The following CDH13 variants were observed in gnomAD, a reference collection of about 807,000 sequenced individuals.
The protein encoded by CDH13 is cadherin 13.
Under a neutral mutation model 63.8 loss-of-function variants are expected in CDH13, and 24 were observed. The ratio of observed to expected loss-of-function variants is 0.38; its 90% CI spans 0.27 to 0.53. The LOEUF is 0.53. Ranked by LOEUF, CDH13 falls within the 20% of genes least tolerant of loss-of-function variation. The pLI, the probability that CDH13 is intolerant of heterozygous loss-of-function variation, is 0.85. For synonymous variants in CDH13, 503 were observed against 355.3 expected (o/e 1.42, Z -4.67); for missense variants, 1,049 against 903.1 (o/e 1.16, Z -2.07).
intron 6 of CDH13, among the ~76,000 whole-genome samples, chr16:83,431,802 A>G (rs11640197): frequency 0.16 from 23,713 of 152,122 alleles, 2,438 homozygotes; most frequent in Non-Finnish European, 0.23. Flanking sequence ...CACCCCCATG[A>G]TCTAATCGCC....
chr16:83,382,172 T>C (rs1180186615), intron 6 of CDH13, among the ~76,000 whole-genome samples: 6 of 152,162 alleles, frequency 3.9e-5, no homozygotes, highest in South Asian at 2.1e-4. Context: ...TCCTCCACCA[T>C]AGGGATGATT....
At chr16:83,509,710 C>T (rs1332238951) in intron 7 of CDH13, among the ~76,000 whole-genome samples, 1 of 152,102 alleles carries the variant, frequency 6.6e-6, no homozygotes, top group African/African-American at 2.4e-5. Flanking sequence ...CCAAAAAGTC[C>T]TTTTTGGTGG....
intron 1 of CDH13, among the ~76,000 whole-genome samples, chr16:82,725,951 A>C (rs1263538044): frequency 6.6e-6 from 1 of 152,134 alleles, no homozygotes; most frequent in Non-Finnish European, 1.5e-5. Flanking sequence ...GAGAATTATT[A>C]AAGCTCTCAG....
At chr16:82,884,411 G>A (rs1383394810) in intron 2 of CDH13, 1 of 330,662 alleles carries the variant, frequency 3.0e-6, no homozygotes, top group African/African-American at 2.2e-5. Context: ...TCTGTTGTCT[G>A]TTGCAGTAGA....
At chr16:83,478,812 G>T (rs1472833235) in intron 6 of CDH13, among the ~76,000 whole-genome samples, 1 of 144,512 alleles carries the variant, frequency 6.9e-6, no homozygotes, top group African/African-American at 2.5e-5. Context: ...CACCTGGCTG[G>T]CCAGTAGAGT....
chr16:83,240,716 T>C (rs9936513), intron 5 of CDH13, among the ~76,000 whole-genome samples: 46,221 of 89,870 alleles, frequency 0.51, 11,557 homozygotes, highest in African/African-American at 0.62. Flanking sequence ...ACTGTCTTAA[T>C]CTTTTTTTTT....
chr16:83,019,437 C>T (rs1034153157), intron 2 of CDH13, among the ~76,000 whole-genome samples: 5 of 151,886 alleles, frequency 3.3e-5, no homozygotes, highest in Admixed American at 6.6e-5. Context: ...GATATCAATG[C>T]CTTCTTCTGG....
intron 6 of CDH13, among the ~76,000 whole-genome samples, chr16:83,364,088 A>G (rs1460668332): frequency 6.6e-6 from 1 of 152,222 alleles, no homozygotes; most frequent in East Asian, 1.9e-4. Context: ...ATGAATTAAC[A>G]TGTTATATAA....
At chr16:83,067,616 G>T (rs957848638) in intron 3 of CDH13, among the ~76,000 whole-genome samples, 3 of 152,178 alleles carry the variant, frequency 2.0e-5, no homozygotes, top group East Asian at 1.9e-4. Context: ...TAACTTTAGG[G>T]ATAAAATGCA....
At chr16:82,942,619 G>T (rs1473600240) in intron 2 of CDH13, among the ~76,000 whole-genome samples, 2 of 152,150 alleles carry the variant, frequency 1.3e-5, no homozygotes. Context: ...GATGGGTCCT[G>T]TGATGTGGCC....
chr16:83,626,825 C>G (rs1356775984), intron 8 of CDH13, among the ~76,000 whole-genome samples: 1 of 152,164 alleles, frequency 6.6e-6, no homozygotes, highest in Non-Finnish European at 1.5e-5. Flanking sequence ...CACACAGACT[C>G]CCTGTACCCG....
At chr16:82,648,935 T>C (rs6565053) in intron 1 of CDH13, among the ~76,000 whole-genome samples, 70,170 of 151,996 alleles carry the variant, frequency 0.46, 17,073 homozygotes, top group African/African-American at 0.63. Flanking sequence ...TTGTATGAGT[T>C]ACTGGGAGTA....
intron 1 of CDH13, among the ~76,000 whole-genome samples, chr16:82,822,058 T>C (rs1187661055): frequency 6.6e-6 from 1 of 152,192 alleles, no homozygotes; most frequent in East Asian, 1.9e-4. Context: ...TAGACCCTGC[T>C]CCAAGGACTT....
chr16:82,806,754 A>G (rs1279827595), intron 1 of CDH13, among the ~76,000 whole-genome samples: 5 of 152,206 alleles, frequency 3.3e-5, no homozygotes, highest in African/African-American at 1.2e-4. Context: ...CTCACATGAA[A>G]CAATGAAGAG....
chr16:83,012,418 C>T (rs12149351), intron 2 of CDH13, among the ~76,000 whole-genome samples: 182 of 148,578 alleles, frequency 1.2e-3, no homozygotes, highest in Admixed American at 2.2e-3. Context: ...AAAATAAAAT[C>T]GCTATTTTCC....
At position 82,804,297 on chromosome 16, in the gene CDH13, A is replaced by ATG. The variant is rs1555520736; in HGVS notation, c.46-54065_46-54064insTG. Among the ~76,000 whole-genome samples, 6 of 131,390 alleles carry ATG rather than the reference A, an allele frequency of 4.6e-5. 1 individual carries two copies. Among genetic ancestry groups the ATG allele is most frequent in the Admixed American group, 4.3e-4 (6 of 13,898 alleles). 86.2% of individuals were successfully genotyped at this position (131,390 alleles called of 152,430 possible). On this transcript the variant is annotated intron_variant, in intron 1 of 13. Coordinates refer to ENST00000567109, the MANE Select transcript of CDH13 (RefSeq NM_001257.5). The stretch of plus-strand genomic sequence containing the variant: ...TTGCTACACACACACACACACACAC[A>ATG]CACACACACACACACGCACACACAT...
Position 83,447,096 on chromosome 16 carries a change from CTTTTTTTTTTTTTTT to C in CDH13, c.782-39365_782-39351del, listed in dbSNP as rs750432481. The stretch of plus-strand genomic sequence containing the variant: ...AAAACAAAAAACACCTTATAGTAAC[CTTTTTTTTTTTTTTT>C]TTTTTTTTTTTTTTTGGTTTGTGCT... On this transcript the variant is annotated intron_variant, in intron 6 of 13. Transcript: ENST00000567109. Among the ~76,000 whole-genome samples the C allele has an allele frequency of 3.3e-3, 137 of 41,524 alleles. 1 individual carries two copies. The highest frequency in any genetic ancestry group is 0.023 in the Middle Eastern group (1 of 44). The allele number at this position is 41,524 out of a possible 152,430, so 27.2% of individuals were successfully genotyped here.
chr16:83,120,069 G>A (rs1018914310), intron 3 of CDH13, among the ~76,000 whole-genome samples: 23 of 151,950 alleles, frequency 1.5e-4, no homozygotes, highest in African/African-American at 5.6e-4. Context: ...CACCGTGACG[G>A]GCCCAGAGAG....
At chr16:82,904,328 C>T (rs1389486953) in intron 2 of CDH13, among the ~76,000 whole-genome samples, 1 of 152,132 alleles carries the variant, frequency 6.6e-6, no homozygotes, top group Non-Finnish European at 1.5e-5. Context: ...CATCCAAATC[C>T]ATTGCAAGTA....
Sources: gnomAD v4.1 joint callset for allele counts (sites outside exome capture counted in the v4.1 genomes callset) on GRCh38, gnomAD v4.1.1 for gene constraint, MANE v1.5 for transcripts, NCBI Gene and HGNC (gene_info 2026-07-23, HGNC 2026-07-21) for gene names.